Variants in SVEP1 observed in about 807,000 individuals in gnomAD.
SVEP1 encodes the protein sushi, von Willebrand factor type A, EGF and pentraxin domain-containing protein 1.
SVEP1 carries 164 observed loss-of-function variants against 367.3 expected under a neutral mutation model. That is an observed-to-expected ratio of 0.45 (90% CI 0.39 to 0.51). The LOEUF (loss-of-function observed/expected upper bound fraction) is 0.51, where lower values mean the gene tolerates loss of function less well. SVEP1 is among the 20% of genes least tolerant of loss of function. The pLI, the probability that SVEP1 is intolerant of heterozygous loss-of-function variation, is 0.00. For synonymous variants in SVEP1, 1,666 were observed against 1,611.6 expected (o/e 1.03, Z -0.81); for missense variants, 4,117 against 4,425.3 (o/e 0.93, Z 1.98).
At chr9:110,538,359 C>T (rs1317222177) in intron 3 of SVEP1, among the ~76,000 whole-genome samples, 1 of 151,950 alleles carries the variant, frequency 6.6e-6, no homozygotes, top group African/African-American at 2.4e-5. Context: ...TATTACATAC[C>T]ACTGAGGATA....
At chr9:110,429,091 G>T in intron 35 of SVEP1, 52 bp downstream of exon 35, 1 of 1,371,336 alleles carries the variant, frequency 7.3e-7, no homozygotes. Context: ...ATAAAATAGG[G>T]AGCGAGTAAC....
intron 24 of SVEP1, among the ~76,000 whole-genome samples, chr9:110,447,641 A>G (rs1828623349): frequency 6.6e-6 from 1 of 152,222 alleles, no homozygotes; most frequent in Non-Finnish European, 1.5e-5. Flanking sequence ...CAAGAGTGTC[A>G]TAAAATAGGA....
intron 1 of SVEP1, among the ~76,000 whole-genome samples, chr9:110,555,608 C>A (rs1830346794): frequency 6.6e-6 from 1 of 152,152 alleles, no homozygotes; most frequent in Non-Finnish European, 1.5e-5. Flanking sequence ...CACTTCAAGC[C>A]ATGATTCTAT....
In SVEP1 at chr9:110,430,439, A is replaced by G. The variant is rs780914364; in HGVS notation, c.5365T>C (p.Cys1789Arg). The G allele has an allele frequency of 1.9e-6, 3 of 1,610,526 alleles. No homozygotes were observed. Among genetic ancestry groups the G allele is most frequent in the Non-Finnish European group, 2.5e-6 (3 of 1,178,388 alleles). Residue 1789 changes from cysteine to arginine, a missense_variant, in exon 33 of 48, where the codon TGT becomes CGT. Transcript: ENST00000374469. Reference protein sequence around the residue: ...DGKNCAEPIKCKAPGNPENGH... With the variant: ...DGKNCAEPIKRKAPGNPENGH... ...TTTTCCGGATTTCCTGGAGCCTTAC[A>G]TTTTATAGGTTCTAGAAACAGACAG...
intron 22 of SVEP1, among the ~76,000 whole-genome samples, chr9:110,452,702 T>C (rs1828711981): frequency 6.6e-6 from 1 of 152,236 alleles, no homozygotes; most frequent in Admixed American, 6.5e-5. Context: ...CCACACGCTT[T>C]GGTGTTCATA....
intron 3 of SVEP1, among the ~76,000 whole-genome samples, chr9:110,537,113 T>C (rs973213146): frequency 3.9e-5 from 6 of 151,956 alleles, no homozygotes; most frequent in African/African-American, 1.4e-4. Context: ...TTTTTGATGA[T>C]AGATAACCGA....
rs557391598 is a variant in SVEP1, at chr9:110,456,915, T to C, written c.3673+341A>G. The stretch of plus-strand genomic sequence containing the variant: ...CTGCCAGTTCATTTAAAAATGTTTA[T>C]ACTGGACAATCTGTTCTATGTTGAG... On this transcript the variant is annotated intron_variant, in intron 21 of 47. Coordinates refer to ENST00000374469, the MANE Select transcript of SVEP1 (RefSeq NM_153366.4). Among the ~76,000 whole-genome samples the C allele has an allele frequency of 2.0e-5, 3 of 152,356 alleles. No homozygotes were observed. In the South Asian group the frequency reaches 6.2e-4, roughly 32 times the overall value.
intron 1 of SVEP1, among the ~76,000 whole-genome samples, chr9:110,574,622 C>A (rs1830603237): frequency 6.6e-6 from 1 of 152,130 alleles, no homozygotes; most frequent in Non-Finnish European, 1.5e-5. Context: ...TCATCTTCTA[C>A]CAATTTTCTC....
At chr9:110,410,968 T>C in intron 37 of SVEP1, 95 bp downstream of exon 37, 2 of 1,118,054 alleles carry the variant, frequency 1.8e-6, no homozygotes, top group Non-Finnish European at 1.2e-6. Flanking sequence ...CTTAGTGAAC[T>C]TGGCAGTGTT....
At chr9:110,546,025 T>A in intron 3 of SVEP1, 90 bp downstream of exon 3, 1 of 1,438,300 alleles carries the variant, frequency 7.0e-7, no homozygotes, top group Non-Finnish European at 9.4e-7. Context: ...TAATGAGCAA[T>A]AACAAGCATG....
intron 40 of SVEP1, among the ~76,000 whole-genome samples, chr9:110,391,997 T>G (rs10980364): frequency 0.19 from 29,301 of 151,238 alleles, 2,960 homozygotes; most frequent in Middle Eastern, 0.32. Flanking sequence ...TCAGACAGGG[T>G]TTTACATCAT....
chr9:110,443,330 T>C, intron 27 of SVEP1: 1 of 440,962 alleles, frequency 2.3e-6, no homozygotes, highest in South Asian at 6.4e-5. Flanking sequence ...ATGTAGATCT[T>C]CAAAGGCATT....
chr9:110,471,189 T>A (rs772436128), intron 16 of SVEP1, among the ~76,000 whole-genome samples, 175 bp downstream of exon 16: 2 of 152,182 alleles, frequency 1.3e-5, no homozygotes, highest in Admixed American at 6.5e-5. Context: ...AGATTTCCTG[T>A]CCCTACCAAC....
intron 43 of SVEP1, among the ~76,000 whole-genome samples, chr9:110,385,321 AAAAAACGTTGCGTT>A (rs781395314): frequency 2.6e-5 from 4 of 152,200 alleles, no homozygotes; most frequent in Admixed American, 6.5e-5. Flanking sequence ...AGTGTGCGTT[AAAAAACGTTGCGTT>A]ATCACAAGGC....
chr9:110,525,170 A>G (rs916816883), intron 3 of SVEP1, among the ~76,000 whole-genome samples: 1 of 152,164 alleles, frequency 6.6e-6, no homozygotes, highest in African/African-American at 2.4e-5. Context: ...AAACCTATTT[A>G]TAAGTGATGT....
intron 40 of SVEP1, among the ~76,000 whole-genome samples, chr9:110,398,918 A>C (rs935567713): frequency 6.6e-6 from 1 of 152,228 alleles, no homozygotes; most frequent in African/African-American, 2.4e-5. Flanking sequence ...TAGTTCAACC[A>C]CTGTGGAAGT....
chr9:110,484,667 T>C (rs1829249128), intron 9 of SVEP1, among the ~76,000 whole-genome samples: 1 of 151,896 alleles, frequency 6.6e-6, no homozygotes, highest in Admixed American at 6.6e-5. Flanking sequence ...ACCTACAGAA[T>C]GAGAGAACAC....
At chr9:110,473,744 T>C (rs1308362387) in intron 14 of SVEP1, among the ~76,000 whole-genome samples, 1 of 152,196 alleles carries the variant, frequency 6.6e-6, no homozygotes, top group African/African-American at 2.4e-5. Context: ...AGGAAAAATA[T>C]GCATCTCAAA....
At chr9:110,519,175 T>G (rs1006701703) in intron 3 of SVEP1, among the ~76,000 whole-genome samples, 2 of 152,178 alleles carry the variant, frequency 1.3e-5, no homozygotes, top group African/African-American at 2.4e-5. Context: ...TTGTATATTT[T>G]TGTTGTTGTT....
Sources: allele counts gnomAD v4.1 joint callset (sites outside exome capture counted in the v4.1 genomes callset), GRCh38; gene constraint gnomAD v4.1.1; transcripts MANE v1.5; gene names NCBI Gene and HGNC (gene_info 2026-07-23, HGNC 2026-07-21).